Variants in NDST1 observed in about 807,000 individuals in gnomAD.
The protein encoded by NDST1 is N-deacetylase and N-sulfotransferase 1, also known as bifunctional heparan sulfate N-deacetylase/N-sulfotransferase 1.
A neutral mutation model predicts 92.8 loss-of-function variants in NDST1; 35 were observed. The ratio of observed to expected loss-of-function variants is 0.38; its 90% CI spans 0.29 to 0.50. The LOEUF (loss-of-function observed/expected upper bound fraction) is 0.50, where lower values mean the gene tolerates loss of function less well. NDST1 is among the 20% of genes least tolerant of loss of function. The pLI, the probability that NDST1 is intolerant of heterozygous loss-of-function variation, is 0.94. For synonymous variants in NDST1, 493 were observed against 500.3 expected, an observed-to-expected ratio of 0.99 and a Z score of 0.19; for missense variants, 822 against 1,182.7, an observed-to-expected ratio of 0.69 and a Z score of 4.47.
At position 150,532,962 on chromosome 5, in the gene NDST1, G is replaced by T; in HGVS notation, c.1026G>T (p.Gln342His). ...TGTCCTAGGCCCTGTTTGACACACA[G>T]AACGAACTACGCGCACACATCCCAA... ...VEDVKALFDT[Q>H]NELRAHIPNF... The change falls in exon 4 of 15, where the codon CAG becomes CAT. Residue 342 changes from glutamine (Q) to histidine (H), a missense_variant. Physicochemically the swap from Gln to His is conservative, Grantham distance 24. Coordinates refer to ENST00000261797, the MANE Select transcript of NDST1 (RefSeq NM_001543.5). The T allele has an allele frequency of 6.2e-7, 1 of 1,614,214 alleles. No homozygotes were observed.
intron 1 of NDST1, among the ~76,000 whole-genome samples, chr5:150,511,217 C>A (rs1156744741): frequency 6.6e-6 from 1 of 152,220 alleles, no homozygotes; most frequent in Non-Finnish European, 1.5e-5. Context: ...ATGCATTTAG[C>A]TTGGAGATGC....
chr5:150,542,751 GC>G, intron 9 of NDST1, 96 bp from the exon 10 acceptor site: 1 of 1,483,724 alleles, frequency 6.7e-7, no homozygotes. Flanking sequence ...CTTCCCAGGA[GC>G]CCCCAGTGGG....
intron 2 of NDST1, among the ~76,000 whole-genome samples, chr5:150,527,128 G>A (rs541753771): frequency 3.3e-5 from 5 of 152,362 alleles, no homozygotes; most frequent in Admixed American, 3.3e-4. Context: ...AGGCAACCAC[G>A]CCTAATGGTT....
At position 150,541,680 on chromosome 5, in the gene NDST1, C is replaced by A; in HGVS notation, c.1846+14C>A. 6.2e-7 allele frequency: 1 copy of A among 1,612,876 alleles called. No individual in the cohort carries two copies. The highest frequency in any genetic ancestry group is 8.5e-7 in the Non-Finnish European group (1 of 1,178,872). On this transcript the variant is annotated intron_variant, in intron 9 of 14. Coordinates refer to ENST00000261797, the MANE Select transcript of NDST1 (RefSeq NM_001543.5). ...CCCAGAAAACAGGCAGGTCTCTCTG[C>A]TCTTGACCGAGCTTCCCCAACTGCC...
rs1170477279 is a variant in NDST1 at position 150,558,179 on chromosome 5, A to G, written c.*4847A>G. 1.3e-5 allele frequency: 2 copies of G among 152,558 alleles called. No homozygotes were observed. Among genetic ancestry groups the G allele is most frequent in the Non-Finnish European group, 2.9e-5 (2 of 68,036 alleles). 9.5% of individuals were successfully genotyped at this position (152,558 alleles called of 1,614,324 possible). On this transcript the variant is annotated 3_prime_UTR_variant, in exon 15 of 15. Coordinates refer to ENST00000261797, the MANE Select transcript of NDST1 (RefSeq NM_001543.5). ...TTCCTCCATTAATGTACAATCTCGAACTAACTGCTAATAAAGTGGGGTTCT... is the reference window on the plus strand; with the variant it reads ...TTCCTCCATTAATGTACAATCTCGAGCTAACTGCTAATAAAGTGGGGTTCT...
upstream of NDST1, among the ~76,000 whole-genome samples, chr5:150,505,004 C>CT (rs1468735853): frequency 1.3e-5 from 2 of 152,346 alleles, no homozygotes; most frequent in African/African-American, 2.4e-5. Context: ...GGAAACCCCA[C>CT]TTTCCTTTTC....
chr5:150,549,026 T>C (rs1196762946), intron 12 of NDST1, among the ~76,000 whole-genome samples: 1 of 152,140 alleles, frequency 6.6e-6, no homozygotes, highest in African/African-American at 2.4e-5. Context: ...TATTTATTTA[T>C]TTAGAGACGG....
At chr5:150,543,085 TC>T (rs1173545547) in intron 10 of NDST1, 114 bp downstream of exon 10, 1 of 1,394,308 alleles carries the variant, frequency 7.2e-7, no homozygotes, top group Non-Finnish European at 1.0e-6. Context: ...CAGCTGTCAT[TC>T]CTGTAAACAG....
rs779815326 is a variant in NDST1, at chr5:150,535,688, T to C, written c.1252-12T>C. 13 of 1,614,008 alleles carry C rather than the reference T, an allele frequency of 8.1e-6. No homozygotes were observed. Among genetic ancestry groups the C allele is most frequent in the Non-Finnish European group, 1.1e-5 (13 of 1,180,014 alleles). ...CCCTATGCTCACCCTGGCCTGGTCA[T>C]CCTCTCCCTAGGAGCATGGCATTCC... On this transcript the variant is annotated splice_polypyrimidine_tract_variant and intron_variant, in intron 5 of 14. Transcript: ENST00000261797.
At chr5:150,545,204 C>T in intron 10 of NDST1, 108 bp from the exon 11 acceptor site, 1 of 1,319,090 alleles carries the variant, frequency 7.6e-7, no homozygotes, top group Non-Finnish European at 1.1e-6. Context: ...AAGCTTCCCA[C>T]TTGCTCTCTG....
At chr5:150,526,829 G>T (rs1754498317) in intron 2 of NDST1, among the ~76,000 whole-genome samples, 1 of 150,220 alleles carries the variant, frequency 6.7e-6, no homozygotes, top group South Asian at 2.1e-4. Context: ...GGGTGAGGAA[G>T]GTCATGAAGG....
Position 150,528,223 on chromosome 5 carries a change from C to T in NDST1, c.933C>T (p.Asp311=), listed in dbSNP as rs1581377904. The stretch of plus-strand genomic sequence containing the variant: ...GGAAGCGCCTCTCCCTGCCATTGGA[C>T]CGCTACATCCTGGTGGACATTGATG... ...LTGKRLSLPL[D]RYILVDIDDI... is the part of the protein sequence containing the mutation. The change falls in exon 3 of 15, where the codon GAC becomes GAT. Residue 311 remains aspartate, a synonymous_variant. Transcript: ENST00000261797. 6.2e-7 allele frequency: 1 copy of T among 1,613,832 alleles called. No homozygotes were observed. Among genetic ancestry groups the T allele is most frequent in the East Asian group, 2.2e-5 (1 of 44,862 alleles).
Position 150,520,999 on chromosome 5 carries a change from A to G in NDST1, c.-256A>G. On this transcript the variant is annotated 5_prime_UTR_variant, in exon 2 of 15. Transcript: ENST00000261797. ...GGGCACTTCTGCTCTGCACAGGACC[A>G]CGCGGGGGTTTGCCATGGTGACATA... 1 of 595,986 alleles carries G rather than the reference A, an allele frequency of 1.7e-6. No homozygotes were observed. Among genetic ancestry groups the G allele is most frequent in the Non-Finnish European group, 3.0e-6 (1 of 335,144 alleles). 36.9% of individuals were successfully genotyped at this position (595,986 alleles called of 1,614,324 possible).
At chr5:150,539,488 A>G in intron 7 of NDST1, 132 bp downstream of exon 7, 1 of 1,577,960 alleles carries the variant, frequency 6.3e-7, no homozygotes, top group Non-Finnish European at 8.6e-7. Context: ...TGGGAGACCC[A>G]CTCTCCAGCA....
chr5:150,545,598 C>T lies in NDST1; in HGVS notation c.2145+112C>T, dbSNP rs1581405870. ...TAGTAAGCACCTACTGTGTGCCAGC[C>T]CTGAGCCAGGCGCCTGGAGCGTGGT... is the stretch of plus-strand genomic sequence containing the variant. On this transcript the variant is annotated intron_variant, in intron 11 of 14. Transcript: ENST00000261797. The T allele has an allele frequency of 1.8e-5, 25 of 1,380,148 alleles. No individual in the cohort carries two copies. The East Asian group carries it at 5.8e-4, about 32-fold the overall frequency. 85.5% of individuals were successfully genotyped at this position (1,380,148 alleles called of 1,614,324 possible). A position where few individuals can be genotyped will look rare whatever the true frequency, so the allele number is the denominator to read the frequency against.
At chr5:150,544,978 C>G (rs913940258) in intron 10 of NDST1, among the ~76,000 whole-genome samples, 12 of 152,184 alleles carry the variant, frequency 7.9e-5, no homozygotes, top group African/African-American at 2.9e-4. Context: ...GGCAGTTAAG[C>G]CTGGAGCAGC....
In NDST1 at chr5:150,554,178, A is replaced by G. The variant is rs955644941; in HGVS notation, c.*846A>G. ...CCAGGCAGACATGGGCGAGCTGGTG[A>G]GACTGCCAGCCACGGCTTTGCTTAG... is the stretch of plus-strand genomic sequence containing the variant. On this transcript the variant is annotated 3_prime_UTR_variant, in exon 15 of 15. Transcript: ENST00000261797. The G allele has an allele frequency of 7.5e-6, 3 of 398,584 alleles. No homozygotes were observed. The highest frequency in any genetic ancestry group is 6.2e-5 in the African/African-American group (3 of 48,554). The allele number at this position is 398,584 out of a possible 1,614,324, so 24.7% of individuals were successfully genotyped here.
At chr5:150,545,167 A>T in intron 10 of NDST1, 145 bp from the exon 11 acceptor site, 1 of 907,030 alleles carries the variant, frequency 1.1e-6, no homozygotes, top group Non-Finnish European at 1.8e-6. Flanking sequence ...TCCCCACTGG[A>T]GGCAAGTCCT....
rs749576849 is a variant in NDST1, at chr5:150,541,648, A to G, written c.1828A>G (p.Ile610Val). ...TCDRFPKLLIIGPQKTGTTAL... is the reference protein window; with the variant it reads ...TCDRFPKLLIVGPQKTGTTAL... Reference sequence around the variant, plus strand: ...TGACCGCTTCCCAAAGCTCCTCATCATCGGCCCCCAGAAAACAGGCAGGTC... The same window carrying G: ...TGACCGCTTCCCAAAGCTCCTCATCGTCGGCCCCCAGAAAACAGGCAGGTC... Residue 610 changes from isoleucine (I) to valine (V), a missense_variant, in exon 9 of 15, where the codon ATC becomes GTC. Transcript: ENST00000261797. The G allele has an allele frequency of 5.0e-6, 8 of 1,614,180 alleles. No homozygotes were observed. The highest frequency in any genetic ancestry group is 6.8e-6 in the Non-Finnish European group (8 of 1,180,026).
Sources: gnomAD v4.1 joint callset for allele counts (sites outside exome capture counted in the v4.1 genomes callset) on GRCh38, gnomAD v4.1.1 for gene constraint, MANE v1.5 for transcripts, NCBI Gene and HGNC (gene_info 2026-07-23, HGNC 2026-07-21) for gene names.